Variants in ICA1 observed in about 807,000 individuals in gnomAD.
ICA1 encodes the protein 69 kDa islet cell autoantigen.
In ICA1, 40 loss-of-function variants were observed where a neutral mutation model predicts 71.0. The observed-to-expected ratio is 0.56, with a 90% CI of 0.44 to 0.73. The LOEUF (loss-of-function observed/expected upper bound fraction) is 0.73. Ranked by LOEUF, ICA1 falls within the 30% of genes least tolerant of loss-of-function variation. The pLI, the probability that ICA1 is intolerant of heterozygous loss-of-function variation, is 0.00. For missense variants in ICA1, 578 were observed against 576.5 expected, an observed-to-expected ratio of 1.00 and a Z score of -0.03; for synonymous variants, 207 against 209.5, an observed-to-expected ratio of 0.99 and a Z score of 0.10.
intron 6 of ICA1, among the ~76,000 whole-genome samples, chr7:8,208,153 A>G (rs1325320511): frequency 6.6e-6 from 1 of 152,190 alleles, no homozygotes; most frequent in African/African-American, 2.4e-5. Flanking sequence ...TAAAATATTA[A>G]TTTTCCCTAG....
At chr7:8,228,754 G>A (rs141519916) in intron 3 of ICA1, 81 bp from the exon 4 acceptor site, 17 of 933,028 alleles carry the variant, frequency 1.8e-5, no homozygotes, top group Non-Finnish European at 2.4e-5. Flanking sequence ...CACAACCAGA[G>A]TGTTCAATTT....
chr7:8,249,287 G>A (rs1267831389), intron 1 of ICA1, among the ~76,000 whole-genome samples: 1 of 152,216 alleles, frequency 6.6e-6, no homozygotes, highest in African/African-American at 2.4e-5. Flanking sequence ...AAGTGCGGTG[G>A]GGAGGGAAGT....
intron 7 of ICA1, 98 bp from the exon 8 acceptor site, chr7:8,157,312 T>A: frequency 8.8e-7 from 1 of 1,134,146 alleles, no homozygotes; most frequent in Non-Finnish European, 1.2e-6. Context: ...GAAGATTCTT[T>A]AAAGCATGAT....
intron 6 of ICA1, among the ~76,000 whole-genome samples, chr7:8,176,267 G>A (rs544081671): frequency 1.3e-5 from 2 of 152,270 alleles, no homozygotes; most frequent in South Asian, 2.1e-4. Flanking sequence ...TCCCATCCAC[G>A]TGCTTCTGTA....
intron 1 of ICA1, among the ~76,000 whole-genome samples, chr7:8,253,438 A>T (rs1001551988): frequency 4.6e-5 from 7 of 152,338 alleles, no homozygotes; most frequent in African/African-American, 1.4e-4. Flanking sequence ...ATGTAAGGAC[A>T]ATGTGATGTA....
intron 8 of ICA1, 100 bp downstream of exon 8, chr7:8,157,016 G>C (rs1236110067): frequency 6.2e-7 from 1 of 1,605,132 alleles, no homozygotes; most frequent in Non-Finnish European, 8.5e-7. Context: ...AGCATTCTGA[G>C]TCCTGGAATA....
intron 6 of ICA1, among the ~76,000 whole-genome samples, chr7:8,189,542 C>T (rs1259141600): frequency 6.6e-6 from 1 of 152,184 alleles, no homozygotes; most frequent in Non-Finnish European, 1.5e-5. Context: ...AATACATTTT[C>T]CCATGGAGGC....
chr7:8,161,292 T>A (rs772115773), intron 6 of ICA1, among the ~76,000 whole-genome samples: 3 of 151,830 alleles, frequency 2.0e-5, no homozygotes, highest in African/African-American at 7.3e-5. Flanking sequence ...TATATTATAA[T>A]AGAATGGGAA....
chr7:8,184,173 G>A (rs1783154206), intron 6 of ICA1, among the ~76,000 whole-genome samples: 3 of 152,216 alleles, frequency 2.0e-5, no homozygotes, highest in Admixed American at 2.0e-4. Flanking sequence ...ATTGGCAAAT[G>A]TGGTGCCTAG....
chr7:8,124,470 A>AC (rs1372103086), intron 13 of ICA1, among the ~76,000 whole-genome samples: 1 of 151,652 alleles, frequency 6.6e-6, no homozygotes, highest in African/African-American at 2.4e-5. Context: ...AAAAAAAAAA[A>AC]CTCAAGCTAA....
chr7:8,141,018 T>C lies in ICA1; in HGVS notation c.955+747A>G, dbSNP rs573719054. Among the ~76,000 whole-genome samples the C allele has an allele frequency of 1.3e-4, 20 of 152,338 alleles. 1 individual carries two copies. The South Asian group carries it at 3.3e-3, about 25-fold the overall frequency. On this transcript the variant is annotated intron_variant, in intron 10 of 13. Transcript: ENST00000402384. ...CACAGTGTTGGGGTAATTTTAGTTC[T>C]CTTCATAACACCTGTAAAACATTCC...
Position 8,157,224 on chromosome 7 carries a change from AAG to A in ICA1, c.706-12_706-11del. On this transcript the variant is annotated splice_polypyrimidine_tract_variant and intron_variant, in intron 7 of 13. Coordinates refer to ENST00000402384, the MANE Select transcript of ICA1 (RefSeq NM_001136020.3). ...AATGAAGCAGAGTGGTCTGCAAAGA[AAG>A]ACAGTAAAGCTATTAATGTTTTGAA... 6.3e-7 allele frequency: 1 copy of A among 1,592,418 alleles called. No individual in the cohort carries two copies. The highest frequency in any genetic ancestry group is 1.2e-5 in the South Asian group (1 of 86,840).
intron 1 of ICA1, among the ~76,000 whole-genome samples, chr7:8,242,722 A>T (rs1344567432): frequency 1.3e-5 from 2 of 152,202 alleles, no homozygotes; most frequent in Non-Finnish European, 2.9e-5. Flanking sequence ...ATAAAAAATG[A>T]TAAAGGGGAT....
At position 8,167,516 on chromosome 7, in the gene ICA1, C is replaced by G. The variant is rs1269589055; in HGVS notation, c.580-8864G>C. On this transcript the variant is annotated intron_variant, in intron 6 of 13. Coordinates refer to ENST00000402384, the MANE Select transcript of ICA1 (RefSeq NM_001136020.3). ...GAAGAGGGTGAGGATAAAAAAACTG[C>G]CTATCAGCTACTATGCTTATTTCCT... Among the ~76,000 whole-genome samples the G allele has an allele frequency of 2.0e-5, 3 of 152,178 alleles. No individual in the cohort carries two copies. The East Asian group carries it at 5.8e-4, about 29-fold the overall frequency.
At chr7:8,178,471 T>A (rs78273129) in intron 6 of ICA1, among the ~76,000 whole-genome samples, 1 of 152,174 alleles carries the variant, frequency 6.6e-6, no homozygotes, top group African/African-American at 2.4e-5. Flanking sequence ...GCTAGTCAAA[T>A]AATTTTTAAC....
intron 6 of ICA1, among the ~76,000 whole-genome samples, chr7:8,164,562 A>T (rs1805186976): frequency 6.6e-6 from 1 of 152,110 alleles, no homozygotes; most frequent in Non-Finnish European, 1.5e-5. Flanking sequence ...TCAACTTCTC[A>T]TGGACACCTC....
At position 8,141,832 on chromosome 7, in the gene ICA1, G is replaced by T; in HGVS notation, c.903-15C>A. 1 of 1,535,634 alleles carries T rather than the reference G, an allele frequency of 6.5e-7. No individual in the cohort carries two copies. Among genetic ancestry groups the T allele is most frequent in the Non-Finnish European group, 9.0e-7 (1 of 1,117,064 alleles). On this transcript the variant is annotated splice_polypyrimidine_tract_variant and intron_variant, in intron 9 of 13. Coordinates refer to ENST00000402384, the MANE Select transcript of ICA1 (RefSeq NM_001136020.3). ...ATGAAATTAATCTTAAAATAAAAAA[G>T]AGGTTTAGTCATCAACTTCTACCAA...
chr7:8,224,564 C>A (rs895593207), intron 4 of ICA1, among the ~76,000 whole-genome samples: 4 of 152,274 alleles, frequency 2.6e-5, no homozygotes, highest in African/African-American at 9.6e-5. Flanking sequence ...ACTTACTCTT[C>A]CCTAGCATCC....
intron 6 of ICA1, among the ~76,000 whole-genome samples, chr7:8,211,892 T>C (rs3779364): frequency 0.62 from 94,308 of 151,894 alleles, 29,465 homozygotes; most frequent in South Asian, 0.76. Context: ...CCAGACCACT[T>C]ATAGTCCTAA....
Sources: gnomAD v4.1 joint callset for allele counts (sites outside exome capture counted in the v4.1 genomes callset) on GRCh38, gnomAD v4.1.1 for gene constraint, MANE v1.5 for transcripts, NCBI Gene and HGNC (gene_info 2026-07-23, HGNC 2026-07-21) for gene names.